Variants in FRY observed in about 807,000 individuals in gnomAD.
FRY encodes FRY microtubule binding protein, also known as protein furry homolog.
In FRY, 128 loss-of-function variants were observed where a neutral mutation model predicts 348.4. The observed-to-expected ratio is 0.37, with a 90% CI of 0.32 to 0.43. FRY has a LOEUF of 0.43. FRY is among the 20% of genes least tolerant of loss of function. The pLI, the probability that FRY is intolerant of heterozygous loss-of-function variation, is 1.00. For missense variants in FRY, 2,736 were observed against 3,695.2 expected (o/e 0.74, Z 6.73); for synonymous variants, 1,370 against 1,374.7 (o/e 1.00, Z 0.08).
intron 27 of FRY, among the ~76,000 whole-genome samples, chr13:32,186,923 G>A (rs901898545): frequency 2.6e-5 from 4 of 151,888 alleles, no homozygotes; most frequent in South Asian, 2.1e-4. Context: ...CCTTTGCCTC[G>A]GTGGAACTAA....
In FRY at chr13:32,149,852, A is replaced by T. The variant is rs371446420; in HGVS notation, c.1479+18A>T. The T allele has an allele frequency of 2.4e-5, 35 of 1,451,760 alleles. No individual in the cohort carries two copies. Among genetic ancestry groups the T allele is most frequent in the Non-Finnish European group, 3.3e-5 (34 of 1,031,878 alleles). 89.9% of individuals were successfully genotyped at this position (1,451,760 alleles called of 1,614,324 possible). A position where few individuals can be genotyped will look rare whatever the true frequency, so the allele number is the denominator to read the frequency against. ...ACCCAGAGGTATGAATGATCCTTTT[A>T]TGTACTTCTAACAGAGCATGTCTTC... On this transcript the variant is annotated intron_variant, in intron 14 of 60. Coordinates refer to ENST00000542859, the MANE Select transcript of FRY (RefSeq NM_023037.3).
In FRY at chr13:32,178,874, T is replaced by C; in HGVS notation, c.2712T>C (p.Thr904=). The change falls in exon 22 of 61, where the codon ACT becomes ACC. Residue 904 remains threonine, a synonymous_variant. Transcript: ENST00000542859. ...CAATTAATGCCAAGAAAACCAGCAC[T>C]GCCGGCAGCGGAGACAACTATGTTA... The part of the protein sequence containing the change: ...NSPINAKKTS[T]AGSGDNYVTL... The C allele has an allele frequency of 6.2e-7, 1 of 1,613,908 alleles. No individual in the cohort carries two copies.
chr13:32,040,600 T>C (rs1020138965), intron 1 of FRY, among the ~76,000 whole-genome samples: 2 of 152,248 alleles, frequency 1.3e-5, no homozygotes, highest in African/African-American at 4.8e-5. Context: ...CTTTTCAGTA[T>C]TCTGAATAAG....
chr13:32,274,956 T>C lies in FRY; in HGVS notation c.8251T>C (p.Ser2751Pro). 1 of 1,613,866 alleles carries C rather than the reference T, an allele frequency of 6.2e-7. No individual in the cohort carries two copies. The highest frequency in any genetic ancestry group is 8.5e-7 in the Non-Finnish European group (1 of 1,179,824). ...VSSSQMLTSC[S>P]ECPTLFVDAE... ...CTCTTCCCAGATGCTCACCTCCTGC[T>C]CTGAATGTCCTACACTTTTTGTGGA... is the stretch of plus-strand genomic sequence containing the variant. Residue 2751 changes from serine to proline, a missense_variant, in exon 56 of 61, where the codon TCT becomes CCT. Transcript: ENST00000542859.
intron 51 of FRY, among the ~76,000 whole-genome samples, chr13:32,258,448 A>G (rs567464960): frequency 6.6e-6 from 1 of 152,256 alleles, no homozygotes; most frequent in East Asian, 1.9e-4. Flanking sequence ...CCCTGTCTCT[A>G]CTAAAAATAT....
At chr13:32,244,378 C>T (rs909302769) in intron 47 of FRY, among the ~76,000 whole-genome samples, 196 bp downstream of exon 47, 7 of 152,162 alleles carry the variant, frequency 4.6e-5, no homozygotes, top group Admixed American at 1.3e-4. Flanking sequence ...GAGCACAAGA[C>T]CCCGGCACAC....
At chr13:32,074,329 T>A (rs184729848) in intron 1 of FRY, among the ~76,000 whole-genome samples, 4 of 152,070 alleles carry the variant, frequency 2.6e-5, no homozygotes, top group Admixed American at 6.5e-5. Context: ...GAGAAAAAAA[T>A]TAGAACGTGT....
At chr13:32,176,704 G>T (rs928803592) in intron 20 of FRY, among the ~76,000 whole-genome samples, 1 of 152,144 alleles carries the variant, frequency 6.6e-6, no homozygotes, top group South Asian at 2.1e-4. Flanking sequence ...ATGTGCTTTT[G>T]TTCTGTGTGT....
chr13:32,149,642 T>C, intron 13 of FRY, 106 bp from the exon 14 acceptor site: 1 of 727,794 alleles, frequency 1.4e-6, no homozygotes, highest in South Asian at 1.5e-5. Context: ...GTGCCCCTCC[T>C]CTTTTAGCCA....
At chr13:32,254,128 TG>T in intron 50 of FRY, 95 bp from the exon 51 acceptor site, 1 of 1,097,942 alleles carries the variant, frequency 9.1e-7, no homozygotes, top group Non-Finnish European at 1.4e-6. Flanking sequence ...AGGTGTGTAC[TG>T]GAAATACGGT....
chr13:32,089,606 A>G (rs779676991), intron 2 of FRY, among the ~76,000 whole-genome samples: 4 of 152,016 alleles, frequency 2.6e-5, no homozygotes, highest in African/African-American at 4.8e-5. Context: ...CTCTATCTAC[A>G]AAAAATAAAA....
chr13:32,230,590 G>C (rs1167073344), intron 40 of FRY, among the ~76,000 whole-genome samples: 1 of 152,176 alleles, frequency 6.6e-6, no homozygotes, highest in East Asian at 1.9e-4. Context: ...CCGTGTCTTT[G>C]CTATTGGGAA....
chr13:32,069,077 G>A (rs887366278), intron 1 of FRY, among the ~76,000 whole-genome samples: 7 of 151,716 alleles, frequency 4.6e-5, no homozygotes, highest in African/African-American at 1.2e-4. Context: ...CCACCACACC[G>A]GGCTAATTTT....
chr13:32,133,128 A>C (rs944462457), intron 8 of FRY, among the ~76,000 whole-genome samples: 6 of 152,200 alleles, frequency 3.9e-5, no homozygotes, highest in Non-Finnish European at 5.9e-5. Flanking sequence ...GTAGTGACAG[A>C]TGCACAACTG....
At chr13:32,279,050 G>A (rs930313582) in intron 58 of FRY, among the ~76,000 whole-genome samples, 4 of 152,332 alleles carry the variant, frequency 2.6e-5, no homozygotes, top group African/African-American at 9.6e-5. Flanking sequence ...CATATTGAGT[G>A]CCTCCTGTAT....
chr13:32,145,532 T>TGTTTTTTG (rs565477320), intron 11 of FRY, among the ~76,000 whole-genome samples: 2 of 133,684 alleles, frequency 1.5e-5, no homozygotes, highest in Admixed American at 7.3e-5. Context: ...ATTTGTTTTT[T>TGTTTTTTG]TTTTTTTTTT....
Position 32,267,200 on chromosome 13 carries a change from C to G in FRY, c.7977C>G (p.Pro2659=). Residue 2659 remains proline (P), a synonymous_variant, in exon 55 of 61, where the codon CCC becomes CCG. Coordinates refer to ENST00000542859, the MANE Select transcript of FRY (RefSeq NM_023037.3). ...GAGAAGGTGACAGGGGAGTCTCTCC[C>G]CCTCCCTCGCCCTTCTTCTCAGCCA... is the stretch of plus-strand genomic sequence containing the variant. ...SFGEGDRGVS[P]PPSPFFSAIL... The G allele has an allele frequency of 4.3e-6, 7 of 1,614,146 alleles. No homozygotes were observed. Among genetic ancestry groups the G allele is most frequent in the Non-Finnish European group, 5.9e-6 (7 of 1,180,030 alleles).
In FRY at chr13:32,211,021, C is replaced by T. The variant is rs752731938; in HGVS notation, c.4578C>T (p.Ser1526=). The T allele has an allele frequency of 1.2e-5, 19 of 1,613,850 alleles. No homozygotes were observed. Among genetic ancestry groups the T allele is most frequent in the Admixed American group, 1.2e-4 (7 of 59,998 alleles). The change falls in exon 34 of 61, where the codon TCC becomes TCT. Residue 1526 remains serine, a synonymous_variant. Coordinates refer to ENST00000542859, the MANE Select transcript of FRY (RefSeq NM_023037.3). ...GCTTCACGGCCAGTAGCAAGGCTTC[C>T]GCAGCAGCCTCAGGTAAGAAGAGCA... ...FYRFTASSKA[S]AAASGTTSSS... is the part of the protein sequence containing the mutation.
chr13:32,085,846 G>A lies in FRY; in HGVS notation c.270+6813G>A, dbSNP rs1875822469. On this transcript the variant is annotated intron_variant, in intron 2 of 60. Transcript: ENST00000542859. ...AGGTGCCTGTCCTGAGCTCTGCCAT[G>A]GCATTGACAGAGACACAACCACAGC... The A allele has an allele frequency of 7.7e-6, 4 of 518,642 alleles. No homozygotes were observed. The Admixed American group carries it at 7.8e-5, about 10-fold the overall frequency. The allele number at this position is 518,642 out of a possible 1,614,324, so 32.1% of individuals were successfully genotyped here.
Sources: allele counts gnomAD v4.1 joint callset (sites outside exome capture counted in the v4.1 genomes callset), GRCh38; gene constraint gnomAD v4.1.1; transcripts MANE v1.5; gene names NCBI Gene and HGNC (gene_info 2026-07-23, HGNC 2026-07-21).